The following SGCD variants were observed in gnomAD, a reference collection of about 807,000 sequenced individuals.
SGCD encodes delta-sarcoglycan.
A neutral mutation model predicts 36.6 loss-of-function variants in SGCD; 18 were observed. The ratio of observed to expected loss-of-function variants is 0.49; its 90% CI spans 0.34 to 0.73. SGCD has a LOEUF of 0.73. Among genes scored for constraint, SGCD ranks in the 30% least tolerant of loss-of-function variants. The pLI, the probability that SGCD is intolerant of heterozygous loss-of-function variation, is 0.01. For missense variants in SGCD, 387 were observed against 346.7 expected, an observed-to-expected ratio of 1.12 and a Z score of -0.92; for synonymous variants, 133 against 130.6, an observed-to-expected ratio of 1.02 and a Z score of -0.12.
At chr5:156,656,248 G>C (rs1763672664) in intron 7 of SGCD, among the ~76,000 whole-genome samples, 1 of 152,048 alleles carries the variant, frequency 6.6e-6, no homozygotes, top group Admixed American at 6.6e-5. Context: ...TTGGAATGCA[G>C]AGATAAAATG....
intron 3 of SGCD, among the ~76,000 whole-genome samples, chr5:156,202,007 G>C (rs955915062): frequency 4.6e-5 from 7 of 152,138 alleles, no homozygotes; most frequent in Non-Finnish European, 1.0e-4. Context: ...CAGCAAAAGA[G>C]TTTCACGTTG....
chr5:155,921,875 G>A (rs569873192), intron 1 of SGCD, among the ~76,000 whole-genome samples: 3 of 152,168 alleles, frequency 2.0e-5, no homozygotes, highest in South Asian at 4.1e-4. Context: ...ATCAAGCATA[G>A]CTTCTAAGTC....
At chr5:156,253,197 C>A (rs1349604853) in intron 3 of SGCD, among the ~76,000 whole-genome samples, 2 of 152,084 alleles carry the variant, frequency 1.3e-5, no homozygotes, top group African/African-American at 2.4e-5. Flanking sequence ...GGAACAAAGC[C>A]CAGGTGAGCT....
chr5:155,909,099 G>C (rs569953591), intron 1 of SGCD, among the ~76,000 whole-genome samples: 1 of 152,040 alleles, frequency 6.6e-6, no homozygotes, highest in Non-Finnish European at 1.5e-5. Context: ...CTCTGAGAGG[G>C]TGGGGAATAA....
At chr5:155,985,689 A>G (rs554393350) in intron 1 of SGCD, among the ~76,000 whole-genome samples, 1 of 152,342 alleles carries the variant, frequency 6.6e-6, no homozygotes, top group Admixed American at 6.5e-5. Context: ...AGAATTTGGT[A>G]GATGGATTCC....
rs527906249 is a variant in SGCD, at chr5:156,515,820, C to T, written c.294+7118C>T. Among the ~76,000 whole-genome samples the T allele has an allele frequency of 1.4e-4, 22 of 152,338 alleles. No homozygotes were observed. In the East Asian group the frequency reaches 2.1e-3, roughly 15 times the overall value. On this transcript the variant is annotated intron_variant, in intron 4 of 8. Coordinates refer to ENST00000337851, the MANE Select transcript of SGCD (RefSeq NM_000337.6). ...GGAGCTGCCATCACTGTGCCCCAGC[C>T]GTTTTCCCCTGCTGGTGCCCTGGAG...
chr5:155,944,686 C>A (rs1399378354), intron 1 of SGCD, among the ~76,000 whole-genome samples: 9 of 152,050 alleles, frequency 5.9e-5, no homozygotes, highest in South Asian at 4.2e-4. Context: ...AAGATATGAA[C>A]CTTACCCTCA....
At chr5:156,387,893 G>A (rs1337684576) in intron 3 of SGCD, among the ~76,000 whole-genome samples, 1 of 152,132 alleles carries the variant, frequency 6.6e-6, no homozygotes, top group Non-Finnish European at 1.5e-5. Flanking sequence ...GACCTTATTT[G>A]TTTTGATACC....
chr5:156,061,813 A>G (rs1362059461), intron 1 of SGCD, among the ~76,000 whole-genome samples: 1 of 145,080 alleles, frequency 6.9e-6, no homozygotes, highest in Non-Finnish European at 1.5e-5. Flanking sequence ...GTTTGGGGAC[A>G]TGTGTTGGAG....
chr5:156,413,322 G>C (rs1442103166), intron 3 of SGCD, among the ~76,000 whole-genome samples: 2 of 152,164 alleles, frequency 1.3e-5, no homozygotes, highest in Non-Finnish European at 2.9e-5. Flanking sequence ...ATGAGAAGAA[G>C]ATAGCCTACC....
chr5:156,392,360 G>A (rs1279025848), intron 3 of SGCD, among the ~76,000 whole-genome samples: 1 of 152,198 alleles, frequency 6.6e-6, no homozygotes, highest in Non-Finnish European at 1.5e-5. Flanking sequence ...GTGAAATGGG[G>A]AAAGTTCCCT....
chr5:156,073,935 G>T (rs933415033), intron 1 of SGCD, among the ~76,000 whole-genome samples: 3 of 152,202 alleles, frequency 2.0e-5, no homozygotes, highest in African/African-American at 7.2e-5. Context: ...CACTGGGGTG[G>T]AGAGGAGCCA....
the SGCD span, among the ~76,000 whole-genome samples, chr5:155,804,957 A>AG: frequency 6.6e-6 from 1 of 152,218 alleles, no homozygotes; most frequent in Non-Finnish European, 1.5e-5. Context: ...AACTTTCTGC[A>AG]GTGTCCAGCA....
At chr5:156,741,136 C>T (rs1464654803) in intron 7 of SGCD, among the ~76,000 whole-genome samples, 1 of 152,128 alleles carries the variant, frequency 6.6e-6, no homozygotes, top group Admixed American at 6.5e-5. Context: ...TAACAAAAGC[C>T]ATTGTCTCCA....
chr5:155,739,702 T>C, the SGCD span, among the ~76,000 whole-genome samples: 1 of 152,112 alleles, frequency 6.6e-6, no homozygotes, highest in African/African-American at 2.4e-5. Context: ...AATAAAGAAG[T>C]GAATGCTTTA....
intron 3 of SGCD, among the ~76,000 whole-genome samples, chr5:156,466,590 TTTGGGTTC>T (rs1234132488): frequency 2.0e-5 from 3 of 152,128 alleles, no homozygotes; most frequent in African/African-American, 4.8e-5. Context: ...AAGAGCTGGA[TTTGGGTTC>T]TTACTAGATG....
At chr5:155,875,837 C>T (rs1007093237) in intron 1 of SGCD, among the ~76,000 whole-genome samples, 3 of 151,844 alleles carry the variant, frequency 2.0e-5, no homozygotes, top group African/African-American at 4.8e-5. Flanking sequence ...AATGATGACA[C>T]CTTTTGGAGG....
At chr5:156,266,389 C>G (rs922385271) in intron 3 of SGCD, among the ~76,000 whole-genome samples, 1 of 152,194 alleles carries the variant, frequency 6.6e-6, no homozygotes, top group African/African-American at 2.4e-5. Flanking sequence ...TGTCCTGTAG[C>G]TGTGCAATCT....
intron 4 of SGCD, among the ~76,000 whole-genome samples, chr5:156,546,856 G>C (rs983143291): frequency 6.6e-6 from 1 of 152,168 alleles, no homozygotes; most frequent in South Asian, 2.1e-4. Flanking sequence ...AAAAGTTTTG[G>C]TGGAGAGGGA....
Sources: gnomAD v4.1 joint callset for allele counts (sites outside exome capture counted in the v4.1 genomes callset) on GRCh38, gnomAD v4.1.1 for gene constraint, MANE v1.5 for transcripts, NCBI Gene and HGNC (gene_info 2026-07-23, HGNC 2026-07-21) for gene names.